RPA1: variants seen among roughly 807,000 people sequenced by gnomAD.
RPA1 encodes replication protein A 70 kDa DNA-binding subunit.
RPA1 carries 49 observed loss-of-function variants against 83.0 expected under a neutral mutation model. The observed-to-expected ratio is 0.59, with a 90% CI of 0.47 to 0.75. RPA1 has a LOEUF of 0.75. RPA1 is among the 30% of genes least tolerant of loss of function. The pLI, the probability that RPA1 is intolerant of heterozygous loss-of-function variation, is 0.00. For missense variants in RPA1, 693 were observed against 776.1 expected, an observed-to-expected ratio of 0.89 and a Z score of 1.27; for synonymous variants, 279 against 281.8, an observed-to-expected ratio of 0.99 and a Z score of 0.10.
chr17:1,839,995 G>C (rs1911985121), intron 1 of RPA1, among the ~76,000 whole-genome samples: 1 of 151,700 alleles, frequency 6.6e-6, no homozygotes, highest in Admixed American at 6.6e-5. Flanking sequence ...GTTTCACCAT[G>C]TTGGCCAGGT....
At chr17:1,887,876 G>C (rs1420346357) in intron 13 of RPA1, among the ~76,000 whole-genome samples, 3 of 152,212 alleles carry the variant, frequency 2.0e-5, no homozygotes, top group African/African-American at 7.2e-5. Flanking sequence ...CTGGGCGACA[G>C]AGCGAGACTC....
At position 1,899,709 on chromosome 17, in the gene RPA1, T is replaced by C. The variant is rs1264975748; in HGVS notation, c.*2534T>C. 1.3e-5 allele frequency: 2 copies of C among 152,236 alleles called. No homozygotes were observed. Among genetic ancestry groups the C allele is most frequent in the East Asian group, 1.9e-4 (1 of 5,206 alleles). The allele number at this position is 152,236 out of a possible 1,614,324, so 9.4% of individuals were successfully genotyped here. On this transcript the variant is annotated 3_prime_UTR_variant, in exon 17 of 17. Coordinates refer to ENST00000254719, the MANE Select transcript of RPA1 (RefSeq NM_002945.5). ...ATGGTTATTGACTACATAATTAATA[T>C]ACTGTCCAAAAGTGAAGTTTGGCCG...
intron 1 of RPA1, among the ~76,000 whole-genome samples, chr17:1,839,752 C>T (rs977631665): frequency 1.6e-4 from 24 of 150,718 alleles, no homozygotes; most frequent in Admixed American, 3.3e-4. Flanking sequence ...CCTCCCTCCT[C>T]ACCCTCTGAG....
intron 5 of RPA1, among the ~76,000 whole-genome samples, chr17:1,860,396 C>T (rs946280122): frequency 2.6e-5 from 4 of 152,226 alleles, no homozygotes; most frequent in African/African-American, 4.8e-5. Flanking sequence ...ATCCTCCTGC[C>T]TTAGCCTCTC....
chr17:1,863,284 T>C (rs1421155579), intron 5 of RPA1, among the ~76,000 whole-genome samples: 1 of 151,742 alleles, frequency 6.6e-6, no homozygotes, highest in East Asian at 2.0e-4. Flanking sequence ...CAATCTCGGC[T>C]CACTGCAACC....
At chr17:1,858,558 G>C in intron 5 of RPA1, 1 of 661,774 alleles carries the variant, frequency 1.5e-6, no homozygotes, top group South Asian at 1.7e-5. Context: ...CCGCCTCCCG[G>C]GTTCAAGCGA....
intron 1 of RPA1, 88 bp from the exon 2 acceptor site, chr17:1,842,715 A>T: frequency 8.6e-7 from 1 of 1,160,666 alleles, no homozygotes; most frequent in Non-Finnish European, 1.3e-6. Flanking sequence ...AATCTTATCT[A>T]TATATTCCAA....
rs1914544814 is a variant in RPA1 at position 1,898,793 on chromosome 17, C to G, written c.*1618C>G. 1 of 152,384 alleles carries G rather than the reference C, an allele frequency of 6.6e-6. No individual in the cohort carries two copies. Among genetic ancestry groups the G allele is most frequent in the South Asian group, 2.1e-4 (1 of 4,834 alleles). 9.4% of individuals were successfully genotyped at this position (152,384 alleles called of 1,614,324 possible). Reference sequence around the variant, plus strand: ...TGGTAACTGGGTCGCATTTCAGTCTCTGACTGAGGCCTCAGCCATTTTTAC... The same window carrying G: ...TGGTAACTGGGTCGCATTTCAGTCTGTGACTGAGGCCTCAGCCATTTTTAC... On this transcript the variant is annotated 3_prime_UTR_variant, in exon 17 of 17. Coordinates refer to ENST00000254719, the MANE Select transcript of RPA1 (RefSeq NM_002945.5).
intron 15 of RPA1, among the ~76,000 whole-genome samples, chr17:1,893,514 G>A (rs1017031294): frequency 1.3e-5 from 2 of 152,186 alleles, no homozygotes; most frequent in Non-Finnish European, 2.9e-5. Flanking sequence ...CTGCTTTCAC[G>A]CCGTGCGTGA....
chr17:1,874,012 A>AAAAAAAAATATATATAT (rs1555592994), intron 6 of RPA1, among the ~76,000 whole-genome samples: 1 of 93,862 alleles, frequency 1.1e-5, no homozygotes, highest in African/African-American at 5.1e-5. Flanking sequence ...AAAAAAAAAA[A>AAAAAAAAATATATATAT]ATATATATAT....
At chr17:1,894,396 A>T (rs1297025772) in intron 15 of RPA1, among the ~76,000 whole-genome samples, 2 of 152,058 alleles carry the variant, frequency 1.3e-5, no homozygotes, top group Non-Finnish European at 2.9e-5. Flanking sequence ...TGAACTCCCA[A>T]CCTCAAGTGA....
intron 1 of RPA1, among the ~76,000 whole-genome samples, chr17:1,840,822 T>G (rs1006349565): frequency 1.3e-5 from 2 of 152,072 alleles, no homozygotes; most frequent in African/African-American, 4.8e-5. Context: ...CCCAGCACTT[T>G]TTGGGAGGCT....
chr17:1,850,736 A>G (rs575860118), intron 4 of RPA1, among the ~76,000 whole-genome samples: 1 of 151,894 alleles, frequency 6.6e-6, no homozygotes, highest in African/African-American at 2.4e-5. Flanking sequence ...TCTCTACTAA[A>G]AATACAAAAA....
intron 5 of RPA1, among the ~76,000 whole-genome samples, chr17:1,861,125 A>G (rs971857140): frequency 6.6e-6 from 1 of 151,832 alleles, no homozygotes; most frequent in South Asian, 2.1e-4. Context: ...GATCGTGTCC[A>G]CACACACACA....
At chr17:1,885,516 G>C (rs1913957345) in intron 13 of RPA1, among the ~76,000 whole-genome samples, 1 of 152,038 alleles carries the variant, frequency 6.6e-6, no homozygotes, top group Non-Finnish European at 1.5e-5. Context: ...CTGTCACTCA[G>C]GCTGGAGTGC....
intron 1 of RPA1, among the ~76,000 whole-genome samples, chr17:1,835,038 G>A (rs1011694308): frequency 3.9e-5 from 6 of 152,008 alleles, no homozygotes; most frequent in African/African-American, 1.4e-4. Context: ...TTTTAGTAGA[G>A]ATGAGGTTTC....
intron 12 of RPA1, among the ~76,000 whole-genome samples, chr17:1,883,278 C>T (rs564343606): frequency 6.6e-6 from 1 of 152,286 alleles, no homozygotes; most frequent in East Asian, 1.9e-4. Context: ...ATTCTCCTGC[C>T]TCAGCCTCCC....
At chr17:1,876,231 A>T (rs1373969908) in intron 7 of RPA1, among the ~76,000 whole-genome samples, 1 of 152,104 alleles carries the variant, frequency 6.6e-6, no homozygotes, top group African/African-American at 2.4e-5. Flanking sequence ...CCTGAACATA[A>T]ATTTCTTTTA....
chr17:1,891,814 G>T lies in RPA1; in HGVS notation c.1552-19G>T. ...TTTATTATTTCTTTGCTGAAATAAT[G>T]TAGAATTGTGTTTTTTAGGTAAATA... On this transcript the variant is annotated intron_variant, in intron 14 of 16. Transcript: ENST00000254719. 6.9e-7 allele frequency: 1 copy of T among 1,442,218 alleles called. No homozygotes were observed. Among genetic ancestry groups the T allele is most frequent in the Non-Finnish European group, 9.7e-7 (1 of 1,034,502 alleles). The allele number at this position is 1,442,218 out of a possible 1,614,324, so 89.3% of individuals were successfully genotyped here.
Sources: gnomAD v4.1 joint callset for allele counts (sites outside exome capture counted in the v4.1 genomes callset) on GRCh38, gnomAD v4.1.1 for gene constraint, MANE v1.5 for transcripts, NCBI Gene and HGNC (gene_info 2026-07-23, HGNC 2026-07-21) for gene names.